KCNH4: variants seen among roughly 807,000 people sequenced by gnomAD.
KCNH4 encodes the protein voltage-gated delayed rectifier potassium channel KCNH4.
A neutral mutation model predicts 90.7 loss-of-function variants in KCNH4; 33 were observed. The ratio of observed to expected loss-of-function variants is 0.36; its 90% CI spans 0.28 to 0.49. KCNH4 has a LOEUF of 0.49. Among genes scored for constraint, KCNH4 ranks in the 20% least tolerant of loss-of-function variants. The probability of loss-of-function intolerance (pLI) is 0.98; values close to 1 mark genes in which losing one functional copy is unlikely to be tolerated. For synonymous variants in KCNH4, 551 were observed against 581.7 expected, an observed-to-expected ratio of 0.95 and a Z score of 0.76; for missense variants, 1,044 against 1,387.1, an observed-to-expected ratio of 0.75 and a Z score of 3.93.
chr17:42,178,721 T>C, intron 2 of KCNH4, 72 bp downstream of exon 2: 1 of 1,363,526 alleles, frequency 7.3e-7, no homozygotes. Context: ...CTCAGACTCC[T>C]ACTGTGCCCA....
intron 1 of KCNH4, among the ~76,000 whole-genome samples, chr17:42,179,603 G>T (rs1008566422): frequency 1.3e-5 from 2 of 152,218 alleles, no homozygotes; most frequent in Non-Finnish European, 2.9e-5. Context: ...AAGCAGGGCA[G>T]AGATTCTGAT....
rs767650530 is a variant in KCNH4, at chr17:42,178,188, C to A, written c.497G>T (p.Arg166Leu). Residue 166 changes from arginine (R) to leucine (L), a missense_variant, in exon 4 of 17, where the codon CGG (arginine) becomes CTG (leucine). Around this residue, in one of 4 missense-constraint regions of KCNH4, gnomAD observed 283 missense variants for 378.6 expected, o/e 0.75. Coordinates refer to ENST00000264661, the MANE Select transcript of KCNH4 (RefSeq NM_012285.3). ...LGRRGATWKF[R>L]SARRRSRTVL... ...AGTACGGCTCCGTCTTCTGGCAGAC[C>A]GAAATTTCCAGGTGGCTCCCCTTCT... 1 of 1,614,178 alleles carries A rather than the reference C, an allele frequency of 6.2e-7. No homozygotes were observed. The highest frequency in any genetic ancestry group is 1.1e-5 in the South Asian group (1 of 91,076).
chr17:42,170,228 G>T lies in KCNH4; in HGVS notation c.1269C>A (p.Arg423=). The change falls in exon 8 of 17, where the codon CGC becomes CGA. Residue 423 remains arginine (R), a synonymous_variant. Transcript: ENST00000264661. Reference sequence around the variant, plus strand: ...AGTACAGTGCCGCGATGTAGGCGCTGCGCCGTGATGGGCCGCCCACCGAGC... The same window carrying T: ...AGTACAGTGCCGCGATGTAGGCGCTTCGCCGTGATGGGCCGCCCACCGAGC... ...VNGSVGGPSR[R]SAYIAALYFT... 1 of 1,610,976 alleles carries T rather than the reference G, an allele frequency of 6.2e-7. No homozygotes were observed.
At chr17:42,178,272 G>A (rs773136479) in intron 3 of KCNH4, 45 bp from the exon 4 acceptor site, 1 of 1,614,018 alleles carries the variant, frequency 6.2e-7, no homozygotes, top group African/African-American at 1.3e-5. Context: ...CACATCCCTT[G>A]CGGCTGGTTA....
intron 11 of KCNH4, among the ~76,000 whole-genome samples, chr17:42,164,383 C>T (rs2073548557): frequency 6.6e-6 from 1 of 152,226 alleles, no homozygotes; most frequent in Non-Finnish European, 1.5e-5. Flanking sequence ...AATGTACAGG[C>T]CTGGCCCAGA....
intron 15 of KCNH4, among the ~76,000 whole-genome samples, chr17:42,161,616 C>T (rs766994571): frequency 2.0e-5 from 3 of 152,176 alleles, no homozygotes; most frequent in Non-Finnish European, 2.9e-5. Context: ...CACTCATTAC[C>T]CACGGCTGGG....
chr17:42,178,889 C>T lies in KCNH4; in HGVS notation c.214G>A (p.Gly72Ser). The T allele has an allele frequency of 6.2e-7, 1 of 1,614,198 alleles. No homozygotes were observed. Among genetic ancestry groups the T allele is most frequent in the Non-Finnish European group, 8.5e-7 (1 of 1,180,036 alleles). The part of the protein sequence containing the change: ...QKTCSCRFLY[G>S]PETSEPALQR... ...AGGGCTGGCTCACTGGTCTCTGGGCCGTAGAGGAAACGGCAGCTGCAGGTC... is the reference window on the plus strand; with the variant it reads ...AGGGCTGGCTCACTGGTCTCTGGGCTGTAGAGGAAACGGCAGCTGCAGGTC... The change falls in exon 2 of 17, where the codon GGC (glycine) becomes AGC (serine). Residue 72 changes from glycine to serine, a missense_variant. Around this residue, in one of 4 missense-constraint regions of KCNH4, gnomAD observed 283 missense variants for 378.6 expected, o/e 0.75. Coordinates refer to ENST00000264661, the MANE Select transcript of KCNH4 (RefSeq NM_012285.3).
In KCNH4 at chr17:42,181,053, C is replaced by T; in HGVS notation, c.-108G>A. On this transcript the variant is annotated 5_prime_UTR_variant, in exon 1 of 17. Transcript: ENST00000264661. ...CGGGGCGCCCCATGCGCCCTCCTGC[C>T]TCCTCCCCTCCCTCTTACTGCCGCT... is the stretch of plus-strand genomic sequence containing the variant. The T allele has an allele frequency of 1.1e-6, 1 of 914,620 alleles. No homozygotes were observed. 56.7% of individuals were successfully genotyped at this position (914,620 alleles called of 1,614,324 possible). A position where few individuals can be genotyped will look rare whatever the true frequency, so the allele number is the denominator to read the frequency against.
At chr17:42,175,533 C>CT in intron 6 of KCNH4, 46 bp downstream of exon 6, 1 of 1,609,910 alleles carries the variant, frequency 6.2e-7, no homozygotes, top group South Asian at 1.1e-5. Flanking sequence ...AGATGCTGTG[C>CT]TGAAGTTGGG....
At chr17:42,171,162 G>T (rs183503095) in intron 7 of KCNH4, among the ~76,000 whole-genome samples, 1 of 152,246 alleles carries the variant, frequency 6.6e-6, no homozygotes, top group South Asian at 2.1e-4. Flanking sequence ...GTGGTTGTGG[G>T]GGGGATGAGA....
At chr17:42,167,547 T>C (rs1598271661) in intron 9 of KCNH4, among the ~76,000 whole-genome samples, 1 of 152,214 alleles carries the variant, frequency 6.6e-6, no homozygotes, top group Non-Finnish European at 1.5e-5. Context: ...ATTACAGGTA[T>C]GAGCCACCGC....
At chr17:42,164,962 A>C (rs73313604) in intron 11 of KCNH4, among the ~76,000 whole-genome samples, 23,617 of 151,632 alleles carry the variant, frequency 0.16, 2,069 homozygotes, top group East Asian at 0.39. Context: ...AAAAATTAGC[A>C]GGGTGTGGTG....
At position 42,176,240 on chromosome 17, in the gene KCNH4, A is replaced by AC. The variant is rs753954093; in HGVS notation, c.642dup (p.Ser215ValfsTer39). ...CTGTAGTGGAGGAGGAGGCAGCGAGACCCCCCCACGGAGGCCACCTTGTAC... is the reference window on the plus strand; with the variant it reads ...CTGTAGTGGAGGAGGAGGCAGCGAGACCCCCCCCACGGAGGCCACCTTGTAC... On this transcript the variant is annotated frameshift_variant, in exon 5 of 17. Transcript: ENST00000264661. LOFTEE classifies it high-confidence loss of function. The AC allele has an allele frequency of 2.5e-6, 4 of 1,611,482 alleles. No individual in the cohort carries two copies. Among genetic ancestry groups the AC allele is most frequent in the Non-Finnish European group, 3.4e-6 (4 of 1,179,508 alleles).
At position 42,164,175 on chromosome 17, in the gene KCNH4, G is replaced by T; in HGVS notation, c.2086-7C>A. 4 of 1,546,918 alleles carry T rather than the reference G, an allele frequency of 2.6e-6. No individual in the cohort carries two copies. Among genetic ancestry groups the T allele is most frequent in the Non-Finnish European group, 3.5e-6 (4 of 1,144,682 alleles). The stretch of plus-strand genomic sequence containing the variant: ...GGGAAAAGCGGCTGAGGCCCTGTGG[G>T]GACATAGGAGAGTTCAAGCTGATTC... On this transcript the variant is annotated splice_region_variant and splice_polypyrimidine_tract_variant and intron_variant, in intron 11 of 16. Coordinates refer to ENST00000264661, the MANE Select transcript of KCNH4 (RefSeq NM_012285.3).
Position 42,178,991 on chromosome 17 carries a change from G to C in KCNH4, c.112C>G (p.Arg38Gly), listed in dbSNP as rs1324370058. 6.2e-7 allele frequency: 1 copy of C among 1,614,082 alleles called. No homozygotes were observed. Among genetic ancestry groups the C allele is most frequent in the Non-Finnish European group, 8.5e-7 (1 of 1,179,932 alleles). The change falls in exon 2 of 17, where the codon CGG becomes GGG. Residue 38 changes from arginine (R) to glycine (G), a missense_variant. Physicochemically the swap from Arg to Gly is moderately radical, Grantham distance 125. Around this residue, in one of 4 missense-constraint regions of KCNH4, gnomAD observed 283 missense variants for 378.6 expected, o/e 0.75. Transcript: ENST00000264661. ...NFLLANAQGT[R>G]GFPIVYCSDG... is the part of the protein sequence containing the mutation. ...GAGCAGTAGACGATGGGAAAGCCCC[G>C]TGTGCCCTGTGCGTTGGCCAGCAGG...
chr17:42,169,369 C>T (rs1424976572), intron 9 of KCNH4, 108 bp downstream of exon 9: 12 of 1,054,960 alleles, frequency 1.1e-5, no homozygotes, highest in African/African-American at 3.1e-5. Flanking sequence ...TGTGAGCAGC[C>T]GAGTTCGGCC....
intron 7 of KCNH4, among the ~76,000 whole-genome samples, chr17:42,171,074 G>A (rs541779648): frequency 6.0e-4 from 92 of 152,252 alleles, no homozygotes; most frequent in African/African-American, 1.9e-3. Flanking sequence ...GCAGTGGGAA[G>A]CCACTGAAGG....
intron 16 of KCNH4, among the ~76,000 whole-genome samples, chr17:42,158,116 TG>T (rs2079721071): frequency 6.6e-6 from 1 of 151,662 alleles, no homozygotes; most frequent in Non-Finnish European, 1.5e-5. Context: ...TTAGTAGAGA[TG>T]GGGTTTCTCC....
chr17:42,166,590 A>C, intron 9 of KCNH4, 44 bp from the exon 10 acceptor site: 1 of 1,575,902 alleles, frequency 6.3e-7, no homozygotes, highest in Non-Finnish European at 8.7e-7. Flanking sequence ...CCCTGCAGCT[A>C]CTACTTGAGT....
Sources: gnomAD v4.1 joint callset for allele counts (sites outside exome capture counted in the v4.1 genomes callset) on GRCh38, gnomAD v4.1.1 for gene constraint, gnomAD v4.1.1 regional missense constraint, MANE v1.5 for transcripts, NCBI Gene and HGNC (gene_info 2026-07-23, HGNC 2026-07-21) for gene names.